IPO11: variants seen among roughly 807,000 people sequenced by gnomAD.
The protein encoded by IPO11 is importin-11.
IPO11 carries 66 observed loss-of-function variants against 143.2 expected under a neutral mutation model. The observed-to-expected ratio is 0.46, with a 90% CI of 0.38 to 0.57. The LOEUF is 0.57. IPO11 is among the 20% of genes least tolerant of loss of function. IPO11 has a pLI of 0.00. For missense variants in IPO11, 1,026 were observed against 1,141.0 expected (o/e 0.90, Z 1.45); for synonymous variants, 385 against 377.8 (o/e 1.02, Z -0.22).
intron 27 of IPO11, among the ~76,000 whole-genome samples, chr5:62,586,162 T>C (rs1362617347): frequency 6.6e-6 from 1 of 152,228 alleles, no homozygotes; most frequent in Non-Finnish European, 1.5e-5. Context: ...TCAACTGTAA[T>C]ACATTATTAT....
At chr5:62,506,402 A>G in intron 19 of IPO11, 45 bp downstream of exon 19, 1 of 1,053,928 alleles carries the variant, frequency 9.5e-7, no homozygotes, top group East Asian at 2.4e-5. Context: ...GGTGGGTAGA[A>G]TAGACGTAGA....
chr5:62,561,105 T>G (rs1403586328), intron 26 of IPO11, 31 bp from the exon 27 acceptor site: 1 of 1,570,932 alleles, frequency 6.4e-7, no homozygotes, highest in African/African-American at 1.4e-5. Context: ...ATATTTTAGG[T>G]ATTTTGAGAT....
At chr5:62,517,548 A>C (rs1489423691) in intron 20 of IPO11, among the ~76,000 whole-genome samples, 2 of 152,086 alleles carry the variant, frequency 1.3e-5, no homozygotes, top group East Asian at 3.9e-4. Context: ...GATTACAGGC[A>C]TGCTCCACCA....
At chr5:62,513,323 A>C (rs1380014047) in intron 19 of IPO11, among the ~76,000 whole-genome samples, 4 of 59,410 alleles carry the variant, frequency 6.7e-5, no homozygotes, top group African/African-American at 9.1e-5. Context: ...TGACCCCCCC[A>C]CCTCCCTCCC....
chr5:62,559,386 TC>T (rs1224846352), intron 26 of IPO11, among the ~76,000 whole-genome samples: 2 of 152,034 alleles, frequency 1.3e-5, no homozygotes, highest in African/African-American at 4.8e-5. Flanking sequence ...CACTGAAACT[TC>T]ATTTTTTTTA....
chr5:62,536,649 T>G, intron 22 of IPO11, 53 bp from the exon 23 acceptor site: 1 of 1,549,170 alleles, frequency 6.5e-7, no homozygotes, highest in Non-Finnish European at 8.7e-7. Context: ...TTTAAACTAA[T>G]TTTGAGCAGT....
chr5:62,616,225 C>A (rs867881317), intron 29 of IPO11, among the ~76,000 whole-genome samples: 1 of 152,130 alleles, frequency 6.6e-6, no homozygotes, highest in African/African-American at 2.4e-5. Context: ...AGCAGTTAAT[C>A]TGTAGGTAGC....
chr5:62,484,297 C>T, intron 11 of IPO11, 135 bp downstream of exon 11: 2 of 670,618 alleles, frequency 3.0e-6, no homozygotes, highest in South Asian at 3.2e-5. Context: ...AATTAACTTA[C>T]TCTTTCGTTG....
chr5:62,539,987 A>C (rs1742871820), intron 24 of IPO11, among the ~76,000 whole-genome samples: 1 of 152,170 alleles, frequency 6.6e-6, no homozygotes, highest in Admixed American at 6.6e-5. Context: ...TGTCATTTTG[A>C]TATTATTGTC....
chr5:62,596,108 A>C (rs1745203973), intron 28 of IPO11, among the ~76,000 whole-genome samples: 1 of 151,414 alleles, frequency 6.6e-6, no homozygotes, highest in Non-Finnish European at 1.5e-5. Context: ...AAAAAAAAAA[A>C]AAAATTGAAA....
intron 1 of IPO11, among the ~76,000 whole-genome samples, chr5:62,430,394 G>A (rs1743938508): frequency 1.3e-5 from 2 of 152,112 alleles, no homozygotes; most frequent in African/African-American, 2.4e-5. Context: ...TATAGCAGTA[G>A]TAGTGGGCCT....
intron 16 of IPO11, among the ~76,000 whole-genome samples, chr5:62,499,532 CT>C (rs1489394716): frequency 7.4e-6 from 1 of 135,678 alleles, no homozygotes; most frequent in Non-Finnish European, 1.6e-5. Flanking sequence ...GGGAAATATT[CT>C]TTCTTCAACA....
intron 29 of IPO11, among the ~76,000 whole-genome samples, chr5:62,608,289 C>A (rs1379593659): frequency 1.3e-5 from 2 of 152,152 alleles, no homozygotes; most frequent in African/African-American, 4.8e-5. Context: ...GTACCATATT[C>A]TTTGCTGTTT....
chr5:62,477,889 A>G (rs985606573), intron 9 of IPO11, among the ~76,000 whole-genome samples: 4 of 152,224 alleles, frequency 2.6e-5, no homozygotes, highest in African/African-American at 7.2e-5. Flanking sequence ...TATGAAATTC[A>G]TATTTATGAT....
chr5:62,451,420 A>C (rs957242614), intron 4 of IPO11, among the ~76,000 whole-genome samples: 2 of 152,230 alleles, frequency 1.3e-5, no homozygotes, highest in Non-Finnish European at 2.9e-5. Context: ...TGGCTATTTA[A>C]GGGAAGACAT....
At chr5:62,544,885 T>G (rs1561356448) in intron 24 of IPO11, among the ~76,000 whole-genome samples, 1 of 152,192 alleles carries the variant, frequency 6.6e-6, no homozygotes, top group Non-Finnish European at 1.5e-5. Context: ...GAATCCAACT[T>G]ACAAGGGATG....
chr5:62,489,182 C>T (rs1007455778), intron 13 of IPO11, 120 bp from the exon 14 acceptor site: 2 of 485,338 alleles, frequency 4.1e-6, no homozygotes, highest in Admixed American at 4.1e-5. Flanking sequence ...TTTTTGACAC[C>T]ATGAAATGTG....
At chr5:62,558,536 A>T (rs1247805131) in intron 26 of IPO11, among the ~76,000 whole-genome samples, 12 of 152,198 alleles carry the variant, frequency 7.9e-5, no homozygotes, top group Non-Finnish European at 1.3e-4. Flanking sequence ...TCTAAATTAT[A>T]TTTTATCAGA....
chr5:62,514,696 C>A (rs1455317988), intron 19 of IPO11, among the ~76,000 whole-genome samples: 1 of 152,154 alleles, frequency 6.6e-6, no homozygotes, highest in Admixed American at 6.5e-5. Context: ...TAATACTCAG[C>A]TTATAGCAAT....
Sources: gnomAD v4.1 joint callset for allele counts (sites outside exome capture counted in the v4.1 genomes callset) on GRCh38, gnomAD v4.1.1 for gene constraint, MANE v1.5 for transcripts, NCBI Gene and HGNC (gene_info 2026-07-23, HGNC 2026-07-21) for gene names.